NR2C1: variants seen among roughly 807,000 people sequenced by gnomAD.
NR2C1 encodes the protein TR2 nuclear hormone receptor.
In NR2C1, 33 loss-of-function variants were observed where a neutral mutation model predicts 74.8. The observed-to-expected ratio is 0.44, with a 90% CI of 0.33 to 0.59. The LOEUF is 0.59. Ranked by LOEUF, NR2C1 falls within the 20% of genes least tolerant of loss-of-function variation. The probability of loss-of-function intolerance (pLI) is 0.02; values close to 1 mark genes in which losing one functional copy is unlikely to be tolerated. For synonymous variants in NR2C1, 225 were observed against 240.6 expected (o/e 0.94, Z 0.60); for missense variants, 568 against 715.6 (o/e 0.79, Z 2.35).
intron 8 of NR2C1, among the ~76,000 whole-genome samples, chr12:95,050,312 G>A (rs76746203): frequency 0.021 from 3,157 of 152,138 alleles, 101 homozygotes; most frequent in African/African-American, 0.072. Context: ...TATATATTAT[G>A]TTTTGTTGTT....
chr12:95,071,771 G>A (rs1876661712), intron 1 of NR2C1, among the ~76,000 whole-genome samples: 1 of 147,218 alleles, frequency 6.8e-6, no homozygotes. Flanking sequence ...TTTTTGAGAC[G>A]GAGTTTCGCT....
chr12:95,054,399 C>T (rs1052598112), intron 7 of NR2C1, among the ~76,000 whole-genome samples: 2 of 151,822 alleles, frequency 1.3e-5, no homozygotes, highest in African/African-American at 4.8e-5. Flanking sequence ...CTTTGAACTC[C>T]TAGGCTCAAG....
intron 10 of NR2C1, among the ~76,000 whole-genome samples, chr12:95,032,444 C>A (rs1464031450): frequency 7.0e-6 from 1 of 142,428 alleles, no homozygotes; most frequent in East Asian, 2.0e-4. Flanking sequence ...GGTGACACAG[C>A]GAGACTCCGT....
At chr12:95,047,925 T>A (rs1309111525) in intron 9 of NR2C1, among the ~76,000 whole-genome samples, 4 of 152,180 alleles carry the variant, frequency 2.6e-5, no homozygotes, top group Non-Finnish European at 5.9e-5. Context: ...TAAATTAGGT[T>A]GGTGAAAAAG....
At chr12:95,027,840 A>G (rs1869553945) in intron 12 of NR2C1, among the ~76,000 whole-genome samples, 1 of 152,204 alleles carries the variant, frequency 6.6e-6, no homozygotes, top group South Asian at 2.1e-4. Context: ...CTCCAAAAAA[A>G]ACACTCTACC....
chr12:95,051,010 GACC>G (rs997462949), intron 8 of NR2C1, among the ~76,000 whole-genome samples: 12 of 152,116 alleles, frequency 7.9e-5, no homozygotes, highest in Non-Finnish European at 1.5e-4. Context: ...TAGGTTTTAA[GACC>G]ACATTTCTAA....
At chr12:95,050,160 T>C (rs935917833) in intron 8 of NR2C1, among the ~76,000 whole-genome samples, 1 of 152,192 alleles carries the variant, frequency 6.6e-6, no homozygotes, top group Non-Finnish European at 1.5e-5. Flanking sequence ...AATTTGATAT[T>C]AGAATAATAA....
intron 2 of NR2C1, among the ~76,000 whole-genome samples, chr12:95,066,294 G>A (rs2136200064): frequency 6.6e-6 from 1 of 152,238 alleles, no homozygotes; most frequent in Middle Eastern, 3.4e-3. Context: ...TTGAGCCCAG[G>A]AGCTCCAGAC....
intron 2 of NR2C1, among the ~76,000 whole-genome samples, chr12:95,063,371 G>A (rs1212543576): frequency 3.7e-4 from 57 of 152,154 alleles, no homozygotes; most frequent in Admixed American, 3.6e-3. Context: ...CACAGCAATA[G>A]AGATATATGA....
At chr12:95,034,352 T>TA (rs1315654270) in intron 10 of NR2C1, among the ~76,000 whole-genome samples, 1 of 152,170 alleles carries the variant, frequency 6.6e-6, no homozygotes, top group African/African-American at 2.4e-5. Context: ...AGAAAATGCT[T>TA]AAAAATATCA....
At chr12:95,062,821 C>T (rs1007125442) in intron 2 of NR2C1, 83 bp from the exon 3 acceptor site, 1 of 982,430 alleles carries the variant, frequency 1.0e-6, no homozygotes, top group Non-Finnish European at 1.6e-6. Flanking sequence ...AAGCACATTA[C>T]ATATATATTC....
At chr12:95,025,423 CTGAGGAGGG>C in intron 12 of NR2C1, 168 bp from the exon 13 acceptor site, 2 of 449,056 alleles carry the variant, frequency 4.5e-6, no homozygotes, top group Middle Eastern at 5.9e-4. Context: ...CTTTGGGAGG[CTGAGGAGGG>C]TGAATCATCT....
intron 7 of NR2C1, among the ~76,000 whole-genome samples, chr12:95,056,774 A>C (rs993258600): frequency 3.9e-5 from 6 of 152,062 alleles, no homozygotes; most frequent in South Asian, 4.2e-4. Context: ...CTGGCTAACA[A>C]GGTGAAACCC....
At chr12:95,046,259 A>G (rs1872298552) in intron 9 of NR2C1, among the ~76,000 whole-genome samples, 1 of 152,214 alleles carries the variant, frequency 6.6e-6, no homozygotes, top group African/African-American at 2.4e-5. Context: ...AAACATCTCT[A>G]CATCTCTTTC....
intron 13 of NR2C1, among the ~76,000 whole-genome samples, 196 bp from the exon 14 acceptor site, chr12:95,022,599 T>C (rs1868887758): frequency 6.6e-6 from 1 of 152,154 alleles, no homozygotes; most frequent in African/African-American, 2.4e-5. Flanking sequence ...TCTGACAGAC[T>C]CCACAGGGGA....
chr12:95,047,692 T>C (rs1384753046), intron 9 of NR2C1, among the ~76,000 whole-genome samples: 1 of 152,218 alleles, frequency 6.6e-6, no homozygotes, highest in Non-Finnish European at 1.5e-5. Context: ...AAGTGAAATC[T>C]ATATGCATTC....
At chr12:95,046,176 T>G (rs1362605659) in intron 9 of NR2C1, among the ~76,000 whole-genome samples, 1 of 152,190 alleles carries the variant, frequency 6.6e-6, no homozygotes, top group African/African-American at 2.4e-5. Flanking sequence ...CCCTTGATTT[T>G]TCAAAATCAA....
chr12:95,067,006 G>C (rs1005688), intron 2 of NR2C1: 59,711 of 316,676 alleles, frequency 0.19, 5,932 homozygotes, highest in Middle Eastern at 0.24. Context: ...CCAAAACTAG[G>C]CTCAGATTGT....
At chr12:95,038,579 G>C (rs905844178) in intron 10 of NR2C1, among the ~76,000 whole-genome samples, 6 of 152,208 alleles carry the variant, frequency 3.9e-5, no homozygotes, top group Non-Finnish European at 8.8e-5. Flanking sequence ...CCAACATGGC[G>C]AAATCCCATC....
Sources: gnomAD v4.1 joint callset for allele counts (sites outside exome capture counted in the v4.1 genomes callset) on GRCh38, gnomAD v4.1.1 for gene constraint, MANE v1.5 for transcripts, NCBI Gene and HGNC (gene_info 2026-07-23, HGNC 2026-07-21) for gene names.